The following ITPR2 variants were observed in gnomAD, a reference collection of about 807,000 sequenced individuals.
ITPR2 encodes the protein inositol 1,4,5-trisphosphate receptor type 2.
ITPR2 carries 207 observed loss-of-function variants against 317.1 expected under a neutral mutation model. The ratio of observed to expected loss-of-function variants is 0.65; its 90% confidence interval spans 0.58 to 0.73. The LOEUF (loss-of-function observed/expected upper bound fraction) is 0.73. Among genes scored for constraint, ITPR2 ranks in the 30% least tolerant of loss-of-function variants. The pLI, the probability that ITPR2 is intolerant of heterozygous loss-of-function variation, is 0.00. For synonymous variants in ITPR2, 1,156 were observed against 1,149.1 expected (o/e 1.01, Z -0.12); for missense variants, 2,613 against 3,284.0 (o/e 0.80, Z 4.99).
intron 2 of ITPR2, among the ~76,000 whole-genome samples, chr12:26,730,128 C>T (rs746600558): frequency 3.3e-5 from 5 of 152,116 alleles, no homozygotes; most frequent in Non-Finnish European, 7.4e-5. Context: ...TAAGATGCCA[C>T]GATGTGTCTT....
At chr12:26,792,770 G>A (rs1405769203) in intron 1 of ITPR2, among the ~76,000 whole-genome samples, 1 of 152,148 alleles carries the variant, frequency 6.6e-6, no homozygotes, top group Non-Finnish European at 1.5e-5. Flanking sequence ...TTTGTTCCCA[G>A]TTCTTTCTTC....
chr12:26,368,636 C>T (rs371438639), intron 55 of ITPR2, among the ~76,000 whole-genome samples: 2 of 152,266 alleles, frequency 1.3e-5, no homozygotes, highest in East Asian at 3.9e-4. Context: ...TTTACTCTAG[C>T]TATCACTTGC....
intron 21 of ITPR2, among the ~76,000 whole-genome samples, chr12:26,643,355 T>C (rs893163095): frequency 6.6e-6 from 1 of 152,224 alleles, no homozygotes; most frequent in African/African-American, 2.4e-5. Context: ...ATCTAAAATG[T>C]AGAAGTGCTT....
At chr12:26,734,256 T>C (rs748057645) in intron 2 of ITPR2, among the ~76,000 whole-genome samples, 1 of 152,214 alleles carries the variant, frequency 6.6e-6, no homozygotes, top group Admixed American at 6.5e-5. Flanking sequence ...CATAATTCAA[T>C]AGAAGATGCT....
intron 32 of ITPR2, 149 bp from the exon 33 acceptor site, chr12:26,580,304 T>C (rs1328337940): frequency 7.8e-6 from 5 of 638,950 alleles, no homozygotes; most frequent in African/African-American, 1.8e-5. Context: ...CATTTCAGCC[T>C]GAAATCATGA....
At chr12:26,744,587 G>A (rs897886726) in intron 2 of ITPR2, among the ~76,000 whole-genome samples, 1 of 152,112 alleles carries the variant, frequency 6.6e-6, no homozygotes, top group African/African-American at 2.4e-5. Flanking sequence ...AATGTTTCCT[G>A]AATCAATGAA....
intron 22 of ITPR2, 144 bp from the exon 23 acceptor site, chr12:26,628,306 T>C: frequency 1.7e-6 from 1 of 576,726 alleles, no homozygotes; most frequent in Non-Finnish European, 2.9e-6. Flanking sequence ...GCCACATGTT[T>C]GTCAGCAATG....
intron 11 of ITPR2, 123 bp downstream of exon 11, chr12:26,686,358 C>G (rs1248461943): frequency 2.5e-5 from 14 of 552,438 alleles, no homozygotes; most frequent in African/African-American, 4.0e-5. Context: ...ATGTTTTACA[C>G]ATTTTTCTTC....
rs768085588 is a variant in ITPR2, at chr12:26,599,412, C to A, written c.3802-67G>T. On this transcript the variant is annotated intron_variant, in intron 29 of 56. Coordinates refer to ENST00000381340, the MANE Select transcript of ITPR2 (RefSeq NM_002223.4). ...AATTTTCTATTCTACAGTACTTAGA[C>A]TAATTGCCCTGCTTGTGATCAGTTT... The A allele has an allele frequency of 1.5e-5, 20 of 1,330,450 alleles. No homozygotes were observed. The Admixed American group carries it at 2.1e-4, about 14-fold the overall frequency. The allele number at this position is 1,330,450 out of a possible 1,614,324, so 82.4% of individuals were successfully genotyped here.
chr12:26,476,999 T>C lies in ITPR2; in HGVS notation c.6132A>G (p.Ala2044=), dbSNP rs766818588. ...CCATAATGGCCAGCAAAAGTTTAGA[T>C]GCATTGTTCTAGAGACACAGATTGA... ...MDLVLQLKNN[A]SKLLLAIMES... The change falls in exon 44 of 57, where the codon GCA becomes GCG. Residue 2044 remains alanine (A), a synonymous_variant. Transcript: ENST00000381340. 1 of 1,607,010 alleles carries C rather than the reference T, an allele frequency of 6.2e-7. No individual in the cohort carries two copies. Among genetic ancestry groups the C allele is most frequent in the Admixed American group, 1.7e-5 (1 of 59,978 alleles).
At chr12:26,635,894 C>T (rs1565655806) in intron 21 of ITPR2, among the ~76,000 whole-genome samples, 1 of 152,154 alleles carries the variant, frequency 6.6e-6, no homozygotes, top group Non-Finnish European at 1.5e-5. Flanking sequence ...AAAACAAAAA[C>T]ATTAGCATAA....
chr12:26,663,740 A>G lies in ITPR2; in HGVS notation c.1658T>C (p.Leu553Pro). 6.2e-7 allele frequency: 1 copy of G among 1,614,052 alleles called. No homozygotes were observed. ...DQRYAPYKYM[L>P]RLCYRVLRHS... is the part of the protein sequence containing the mutation. ...TCTCAGGACGCGGTAACAGAGCCGC[A>G]GCATGTACTTGTAGGGTGCATATCT... Residue 553 changes from leucine to proline, a missense_variant, in exon 15 of 57, where the codon CTG (leucine) becomes CCG (proline). This residue lies in a region of ITPR2 where 515 missense variants were observed against 789.4 expected (regional missense o/e 0.65). Transcript: ENST00000381340.
At chr12:26,566,555 G>A (rs1478380049) in intron 34 of ITPR2, among the ~76,000 whole-genome samples, 1 of 150,378 alleles carries the variant, frequency 6.6e-6, no homozygotes, top group African/African-American at 2.5e-5. Context: ...GAAGGATAAG[G>A]AGGAGAGGAG....
chr12:26,617,368 C>A (rs897998303), intron 26 of ITPR2, among the ~76,000 whole-genome samples: 2 of 152,032 alleles, frequency 1.3e-5, no homozygotes, highest in African/African-American at 4.8e-5. Context: ...CAAATTAACT[C>A]AAAATGGAAA....
At chr12:26,687,995 T>C (rs916258679) in intron 10 of ITPR2, among the ~76,000 whole-genome samples, 2 of 152,146 alleles carry the variant, frequency 1.3e-5, no homozygotes, top group African/African-American at 2.4e-5. Flanking sequence ...AGTATGGGCA[T>C]GTAGGAAGGA....
rs12827107 is a variant in ITPR2, at chr12:26,401,725, T to A, written c.7400-1467A>T. 3.7e-3 allele frequency among the ~76,000 whole-genome samples: 559 copies of A among 152,380 alleles called. 2 individuals carry two copies. The highest frequency in any genetic ancestry group is 6.0e-3 in the Non-Finnish European group (405 of 68,038). ...AAGAACAATTCAGTCCAACTTTATC[T>A]ACGTGCTTCATGCCTACAGTGCCTT... On this transcript the variant is annotated intron_variant, in intron 52 of 56. Transcript: ENST00000381340.
In ITPR2 at chr12:26,715,287, AC is replaced by A. The variant is rs1170879303; in HGVS notation, c.855+11del. On this transcript the variant is annotated intron_variant, in intron 8 of 56. Transcript: ENST00000381340. ...CTAAATATTTATTAAGTGCCAAAAA[AC>A]ATTTACATACCTCTATTTCCCAGAG... 1.9e-6 allele frequency: 3 copies of A among 1,601,130 alleles called. No homozygotes were observed. The highest frequency in any genetic ancestry group is 2.6e-6 in the Non-Finnish European group (3 of 1,174,922).
chr12:26,400,515 T>C (rs1357197466), intron 52 of ITPR2: 1 of 168,676 alleles, frequency 5.9e-6, no homozygotes, highest in Non-Finnish European at 1.3e-5. Flanking sequence ...CATTACCTCC[T>C]TCCAAAGGGC....
chr12:26,808,458 A>G (rs997770999), intron 1 of ITPR2, among the ~76,000 whole-genome samples: 6 of 152,242 alleles, frequency 3.9e-5, no homozygotes, highest in African/African-American at 1.4e-4. Context: ...CATTCAACAA[A>G]TATTTATTGA....
Sources: allele counts gnomAD v4.1 joint callset (sites outside exome capture counted in the v4.1 genomes callset), GRCh38; gene constraint gnomAD v4.1.1; regional missense constraint gnomAD v4.1.1; transcripts MANE v1.5; gene names NCBI Gene and HGNC (gene_info 2026-07-23, HGNC 2026-07-21).